LYSMD2: variants seen among roughly 807,000 people sequenced by gnomAD.
LYSMD2 encodes the protein lysM and putative peptidoglycan-binding domain-containing protein 2.
A neutral mutation model predicts 17.7 loss-of-function variants in LYSMD2; 6 were observed. The ratio of observed to expected loss-of-function variants is 0.34; its 90% CI spans 0.19 to 0.67. The LOEUF (loss-of-function observed/expected upper bound fraction) is 0.67, where lower values mean the gene tolerates loss of function less well. Among genes scored for constraint, LYSMD2 ranks in the 30% least tolerant of loss-of-function variants. The pLI, the probability that LYSMD2 is intolerant of heterozygous loss-of-function variation, is 0.69. For synonymous variants in LYSMD2, 102 were observed against 129.8 expected (o/e 0.79, Z 1.45); for missense variants, 237 against 286.7 (o/e 0.83, Z 1.25).
In LYSMD2 at chr15:51,737,257, C is replaced by CCCAT; in HGVS notation, c.273+92_273+93insATGG. On this transcript the variant is annotated intron_variant, in intron 1 of 2. Coordinates refer to ENST00000267838, the MANE Select transcript of LYSMD2 (RefSeq NM_153374.3). This position sits in a 1 kb window ranked among gnomAD's most constrained non-coding sequence, Gnocchi z 4.2. ...ACTCCCCATCCCCCAAACCCCCACCCGCAGTCCCACCCCCACCCCCACCGC... is the reference window on the plus strand; with the variant it reads ...ACTCCCCATCCCCCAAACCCCCACCCCCATGCAGTCCCACCCCCACCCCCACCGC... 3.0e-6 allele frequency: 1 copy of CCCAT among 335,084 alleles called. No homozygotes were observed. The highest frequency in any genetic ancestry group is 4.8e-6 in the Non-Finnish European group (1 of 209,138). 20.8% of individuals were successfully genotyped at this position (335,084 alleles called of 1,614,324 possible).
At chr15:51,741,331 C>T (rs1039541939), upstream of LYSMD2, among the ~76,000 whole-genome samples, 15 of 152,190 alleles carry the variant, frequency 9.9e-5, no homozygotes, top group Non-Finnish European at 1.8e-4. Flanking sequence ...AATTAGATCC[C>T]TGTCTTATAC....
At chr15:51,725,717 A>C (rs1386992415) in intron 1 of LYSMD2, among the ~76,000 whole-genome samples, 6 of 152,096 alleles carry the variant, frequency 3.9e-5, no homozygotes, top group Non-Finnish European at 5.9e-5. Flanking sequence ...ATATATAAAA[A>C]TATATGTACA....
chr15:51,737,971 C>A, upstream of LYSMD2: 1 of 174,806 alleles, frequency 5.7e-6, no homozygotes, highest in Non-Finnish European at 1.2e-5. This position sits in a 1 kb window ranked among gnomAD's most constrained non-coding sequence, Gnocchi z 4.2. Flanking sequence ...TGCAGGCGTC[C>A]TAGGCCCCAG....
At chr15:51,746,022 A>C (rs1038640670) in intron 1 of LYSMD2, among the ~76,000 whole-genome samples, 1 of 152,236 alleles carries the variant, frequency 6.6e-6, no homozygotes, top group African/African-American at 2.4e-5. Context: ...AATGGTGCAG[A>C]TACTTTGGAA....
chr15:51,750,701 G>A (rs1377067283), intron 1 of LYSMD2, among the ~76,000 whole-genome samples: 2 of 152,064 alleles, frequency 1.3e-5, no homozygotes, highest in East Asian at 3.9e-4. Flanking sequence ...CATAATGTTG[G>A]TCTTTGTCCT....
intron 1 of LYSMD2, among the ~76,000 whole-genome samples, chr15:51,734,720 G>A (rs1305737338): frequency 1.3e-5 from 2 of 152,098 alleles, no homozygotes; most frequent in Admixed American, 6.5e-5. Flanking sequence ...TCTCATTTTC[G>A]ACCTTTTAAA....
upstream of LYSMD2, among the ~76,000 whole-genome samples, chr15:51,740,418 T>G (rs1348117500): frequency 1.3e-5 from 2 of 152,216 alleles, no homozygotes; most frequent in Non-Finnish European, 2.9e-5. Context: ...AGATGAAACA[T>G]TAAAAGCATT....
At chr15:51,732,792 T>A (rs998148817) in intron 1 of LYSMD2, among the ~76,000 whole-genome samples, 1 of 152,158 alleles carries the variant, frequency 6.6e-6, no homozygotes, top group Non-Finnish European at 1.5e-5. Context: ...CCCAGCCACA[T>A]CTCACCACCT....
chr15:51,731,173 C>T (rs1376194013), intron 1 of LYSMD2, among the ~76,000 whole-genome samples: 1 of 152,180 alleles, frequency 6.6e-6, no homozygotes, highest in African/African-American at 2.4e-5. Flanking sequence ...CCTCACAACT[C>T]TGTAAATTTA....
chr15:51,743,650 C>T (rs1370917384), intron 1 of LYSMD2, among the ~76,000 whole-genome samples: 3 of 152,136 alleles, frequency 2.0e-5, no homozygotes, highest in Admixed American at 6.5e-5. Flanking sequence ...TGTCAATATC[C>T]ACAAAGTAAC....
At chr15:51,728,168 G>A (rs2055552200) in intron 1 of LYSMD2, among the ~76,000 whole-genome samples, 1 of 152,112 alleles carries the variant, frequency 6.6e-6, no homozygotes, top group African/African-American at 2.4e-5. Flanking sequence ...AGTGGCTCAT[G>A]CCTGTAATCC....
chr15:51,728,774 G>A (rs1392448116), intron 1 of LYSMD2, among the ~76,000 whole-genome samples: 1 of 152,116 alleles, frequency 6.6e-6, no homozygotes, highest in African/African-American at 2.4e-5. Context: ...GGAGGCTGAG[G>A]CAGAAGAATC....
upstream of LYSMD2, chr15:51,737,773 A>T (rs1270768448): frequency 3.7e-6 from 2 of 545,720 alleles, no homozygotes; most frequent in Non-Finnish European, 5.3e-6. This position sits in a 1 kb window ranked among gnomAD's most constrained non-coding sequence, Gnocchi z 4.2. Flanking sequence ...GGGGAGCCGC[A>T]GGCCGGGCAT....
intron 1 of LYSMD2, among the ~76,000 whole-genome samples, chr15:51,745,969 G>T (rs1441103557): frequency 6.6e-6 from 1 of 152,208 alleles, no homozygotes; most frequent in Admixed American, 6.5e-5. Context: ...TAGCAAGGAT[G>T]TGGAGAAATT....
chr15:51,732,066 A>G (rs1350874420), intron 1 of LYSMD2, among the ~76,000 whole-genome samples: 2 of 152,156 alleles, frequency 1.3e-5, no homozygotes, highest in Non-Finnish European at 2.9e-5. Flanking sequence ...CTTATATGTC[A>G]TTCCATGTAA....
chr15:51,727,002 C>A (rs537849947), intron 1 of LYSMD2, among the ~76,000 whole-genome samples: 3 of 152,112 alleles, frequency 2.0e-5, no homozygotes, highest in African/African-American at 7.2e-5. Context: ...ATTGCTATAG[C>A]CTTCCTGGTC....
At position 51,737,540 on chromosome 15, in the gene LYSMD2, C is replaced by CGCG. The variant is rs1015149027; in HGVS notation, c.80_82dup (p.Pro27dup). The CGCG allele has an allele frequency of 4.5e-5, 56 of 1,234,474 alleles. No individual in the cohort carries two copies. In the African/African-American group the frequency reaches 6.4e-4, roughly 14 times the overall value. The allele number at this position is 1,234,474 out of a possible 1,614,324, so 76.5% of individuals were successfully genotyped here. A position where few individuals can be genotyped will look rare whatever the true frequency, so the allele number is the denominator to read the frequency against. Reference sequence around the variant, plus strand: ...CTCGGACTCGGAGCCGGAGCGCGAGCGCGGCGGCGGCGAGGGGGCCGAGGG... The same window carrying CGCG: ...CTCGGACTCGGAGCCGGAGCGCGAGCGCGGCGGCGGCGGCGAGGGGGCCGAGGG... On this transcript the variant is annotated inframe_insertion, in exon 1 of 3. Coordinates refer to ENST00000267838, the MANE Select transcript of LYSMD2 (RefSeq NM_153374.3). This position sits in a 1 kb window ranked among gnomAD's most constrained non-coding sequence, Gnocchi z 4.2.
chr15:51,735,457 A>G (rs1203218666), intron 1 of LYSMD2, among the ~76,000 whole-genome samples: 1 of 152,198 alleles, frequency 6.6e-6, no homozygotes, highest in Non-Finnish European at 1.5e-5. Flanking sequence ...TAAATATTCT[A>G]CACTGCACAG....
In LYSMD2 at chr15:51,737,653, C is replaced by T; in HGVS notation, c.-31G>A. ...CTGCCGAGGCCGCCGGGTCGGGGAGCTTGCCAAGGGGGCGGCGCCTCCTCC... is the reference window on the plus strand; with the variant it reads ...CTGCCGAGGCCGCCGGGTCGGGGAGTTTGCCAAGGGGGCGGCGCCTCCTCC... On this transcript the variant is annotated 5_prime_UTR_variant, in exon 1 of 3. Transcript: ENST00000267838. The surrounding 1 kb of genome is among the most constrained non-coding windows in gnomAD (Gnocchi z 4.2). 8.3e-7 allele frequency: 1 copy of T among 1,202,906 alleles called. No individual in the cohort carries two copies. The highest frequency in any genetic ancestry group is 1.0e-6 in the Non-Finnish European group (1 of 969,382). The allele number at this position is 1,202,906 out of a possible 1,614,324, so 74.5% of individuals were successfully genotyped here.
Sources: allele counts gnomAD v4.1 joint callset (sites outside exome capture counted in the v4.1 genomes callset), GRCh38; gene constraint gnomAD v4.1.1; non-coding constraint Gnocchi (gnomAD v3.1); transcripts MANE v1.5; gene names NCBI Gene and HGNC (gene_info 2026-07-23, HGNC 2026-07-21).